CCNB3: variants seen among roughly 807,000 people sequenced by gnomAD.
The protein encoded by CCNB3 is cyclin B3, also known as G2/mitotic-specific cyclin-B3.
In CCNB3, 12 loss-of-function variants were observed where a neutral mutation model predicts 68.0. The ratio of observed to expected loss-of-function variants is 0.18; its 90% CI spans 0.11 to 0.29. The LOEUF is 0.29. Ranked by LOEUF, CCNB3 falls within the 10% of genes least tolerant of loss-of-function variation. The pLI is 1.00. For synonymous variants in CCNB3, 354 were observed against 388.9 expected (o/e 0.91, Z 1.06); for missense variants, 904 against 993.1 (o/e 0.91, Z 1.21).
chrX:50,209,070 G>A (rs1262856440), intron 1 of CCNB3, among the ~76,000 whole-genome samples: 1 of 110,908 alleles, frequency 9.0e-6, no homozygotes, highest in Admixed American at 9.6e-5. Flanking sequence ...AGTAGGGTCT[G>A]TAGTGGAATC....
At chrX:50,218,127 CAAAAAT>C (rs1480143992) in intron 1 of CCNB3, among the ~76,000 whole-genome samples, 1 of 111,911 alleles carries the variant, frequency 8.9e-6, no homozygotes, top group Non-Finnish European at 1.9e-5. Flanking sequence ...GTGTCCTAAA[CAAAAAT>C]AATCTATTGT....
chrX:50,279,429 T>G (rs1281916213), intron 1 of CCNB3, among the ~76,000 whole-genome samples: 1 of 73,419 alleles, frequency 1.4e-5, no homozygotes, highest in Non-Finnish European at 2.3e-5. Context: ...TATAAATATA[T>G]ATAAATATAT....
chrX:50,291,637 C>T (rs1289101727), intron 4 of CCNB3, among the ~76,000 whole-genome samples: 1 of 112,057 alleles, frequency 8.9e-6, no homozygotes, highest in African/African-American at 3.2e-5. Flanking sequence ...GGAGCTTAAA[C>T]TTGAAAATAT....
At chrX:50,224,361 C>T (rs940138710) in intron 1 of CCNB3, among the ~76,000 whole-genome samples, 4 of 110,819 alleles carry the variant, frequency 3.6e-5, no homozygotes, top group Non-Finnish European at 5.7e-5. Context: ...ATACCTGGGA[C>T]GAGTGAAATA....
In CCNB3 at chrX:50,311,596, TG is replaced by T. The variant is rs782269647; in HGVS notation, c.3327+101del. On this transcript the variant is annotated intron_variant, in intron 6 of 12. Coordinates refer to ENST00000376042, the MANE Select transcript of CCNB3 (RefSeq NM_033031.3). ...TTTTTTTTTTTTTGTTTTTGTTTTT[TG>T]TTGTTGTTGTTGTTTTTTTGCCTTC... is the stretch of plus-strand genomic sequence containing the variant. 5.4e-3 allele frequency: 3,373 copies of T among 624,368 alleles called. 76 individuals carry two copies. In the African/African-American group the frequency reaches 0.072, roughly 13 times the overall value. 51.5% of individuals were successfully genotyped at this position (624,368 alleles called of 1,213,427 possible).
At chrX:50,211,843 C>A (rs1935487645) in intron 1 of CCNB3, among the ~76,000 whole-genome samples, 1 of 112,036 alleles carries the variant, frequency 8.9e-6, no homozygotes, top group South Asian at 3.7e-4. Flanking sequence ...CAGAATCACT[C>A]CCCATCCTAA....
At chrX:50,291,365 C>G (rs781940623) in intron 4 of CCNB3, among the ~76,000 whole-genome samples, 6 of 111,632 alleles carry the variant, frequency 5.4e-5, no homozygotes, top group African/African-American at 1.9e-4. Context: ...ATGATCACAG[C>G]TCACTGCAGC....
At position 50,351,371 on chromosome X, in the gene CCNB3, C is replaced by T. The variant is rs781893398; in HGVS notation, c.4091C>T (p.Pro1364Leu). The T allele has an allele frequency of 1.7e-5, 20 of 1,208,964 alleles. No individual in the cohort carries two copies. The South Asian group carries it at 2.5e-4, about 15-fold the overall frequency. The change falls in exon 12 of 13, where the codon CCG (proline) becomes CTG (leucine). Residue 1364 changes from proline to leucine, a missense_variant and splice_region_variant. Coordinates refer to ENST00000376042, the MANE Select transcript of CCNB3 (RefSeq NM_033031.3). ...GCTGTGTATTACAAGTATTCTCACC[C>T]GTAAGTACTAAGCCCCGGATGAGGT... is the stretch of plus-strand genomic sequence containing the variant. Reference protein sequence around the residue: ...LKAVYYKYSHPVFFEVAKIPA... With the variant: ...LKAVYYKYSHLVFFEVAKIPA...
intron 11 of CCNB3, among the ~76,000 whole-genome samples, chrX:50,350,248 TACACACACACAC>T (rs35500925): frequency 6.3e-5 from 6 of 95,237 alleles, no homozygotes; most frequent in Admixed American, 3.5e-4. Context: ...CATACACAAA[TACACACACACAC>T]ACACACACAC....
At position 50,309,200 on chromosome X, in the gene CCNB3, C is replaced by G; in HGVS notation, c.1031C>G (p.Ser344Cys). 1 of 1,209,444 alleles carries G rather than the reference C, an allele frequency of 8.3e-7. No individual in the cohort carries two copies. Among genetic ancestry groups the G allele is most frequent in the Non-Finnish European group, 1.1e-6 (1 of 893,847 alleles). Residue 344 changes from serine to cysteine, a missense_variant, in exon 6 of 13, where the codon TCC becomes TGC. This residue lies in a region of CCNB3 where 619 missense variants were observed against 609.8 expected (regional missense o/e 1.02). Transcript: ENST00000376042. The part of the protein sequence containing the change: ...QEKHTTEHEM[S>C]ILKKSLALQK... ...AAACACACCACTGAGCATGAGATGT[C>G]CATCTTGAAGAAATCATTGGCCTTG...
At chrX:50,328,403 C>T (rs1557217590) in intron 8 of CCNB3, among the ~76,000 whole-genome samples, 2 of 111,839 alleles carry the variant, frequency 1.8e-5, no homozygotes, top group African/African-American at 6.5e-5. Flanking sequence ...GAAGGTGAAG[C>T]AGGAGGAAGC....
At chrX:50,306,529 A>G (rs1412803205) in intron 5 of CCNB3, among the ~76,000 whole-genome samples, 1 of 111,921 alleles carries the variant, frequency 8.9e-6, no homozygotes, top group African/African-American at 3.2e-5. Flanking sequence ...CAAGAGTTGG[A>G]CATTCTTGTT....
At chrX:50,344,172 T>C (rs189907427) in intron 9 of CCNB3, among the ~76,000 whole-genome samples, 1 of 112,495 alleles carries the variant, frequency 8.9e-6, no homozygotes, top group South Asian at 3.7e-4. Context: ...GTGTGTAGCC[T>C]AGGAGCAATA....
rs1557214783 is a variant in CCNB3, at chrX:50,310,956, T to C, written c.2787T>C (p.Asp929=). 1 of 1,210,529 alleles carries C rather than the reference T, an allele frequency of 8.3e-7. No individual in the cohort carries two copies. The highest frequency in any genetic ancestry group is 1.1e-6 in the Non-Finnish European group (1 of 895,397). The part of the protein sequence containing the change: ...STINEAVLFE[D]MIALNEKPTT... ...TCAATGAGGCAGTCCTCTTCGAAGA[T>C]ATGATAGCTCTGAATGAGAAACCCA... Residue 929 remains aspartate (D), a synonymous_variant, in exon 6 of 13, where the codon GAT becomes GAC. Coordinates refer to ENST00000376042, the MANE Select transcript of CCNB3 (RefSeq NM_033031.3).
chrX:50,347,607 G>A lies in CCNB3; in HGVS notation c.3811-19G>A, dbSNP rs782174522. 1 of 1,192,915 alleles carries A rather than the reference G, an allele frequency of 8.4e-7. No homozygotes were observed. The highest frequency in any genetic ancestry group is 1.8e-5 in the South Asian group (1 of 54,909). On this transcript the variant is annotated intron_variant, in intron 10 of 12. Coordinates refer to ENST00000376042, the MANE Select transcript of CCNB3 (RefSeq NM_033031.3). Reference sequence around the variant, plus strand: ...GTTTTCTAAATTGATTTCTGAGCCAGTCTTCTCATTGCCTTTAGTGTATCC... The same window carrying A: ...GTTTTCTAAATTGATTTCTGAGCCAATCTTCTCATTGCCTTTAGTGTATCC...
chrX:50,306,407 T>C (rs1036474958), intron 5 of CCNB3, among the ~76,000 whole-genome samples: 11 of 111,978 alleles, frequency 9.8e-5, no homozygotes, highest in African/African-American at 2.3e-4. Flanking sequence ...TATAAGATCA[T>C]GTCATCTGTG....
chrX:50,280,319 A>T (rs973641385), intron 1 of CCNB3, among the ~76,000 whole-genome samples: 26 of 102,909 alleles, frequency 2.5e-4, no homozygotes, highest in African/African-American at 7.6e-4. Flanking sequence ...TATAGAATAT[A>T]GATTTAAATA....
intron 8 of CCNB3, among the ~76,000 whole-genome samples, chrX:50,337,949 C>G (rs898114483): frequency 3.6e-4 from 40 of 112,412 alleles, no homozygotes; most frequent in African/African-American, 1.3e-3. Flanking sequence ...TTAGGCCACG[C>G]TTCCACTCAA....
rs1557214604 is a variant in CCNB3 at position 50,310,551 on chromosome X, G to A, written c.2382G>A (p.Gly794=). 1.7e-6 allele frequency: 2 copies of A among 1,210,158 alleles called. No individual in the cohort carries two copies. The highest frequency in any genetic ancestry group is 3.5e-5 in the African/African-American group (2 of 57,393). ...ALEGYPSIAE[G]ETLFKKLLAM... ...AGGGGTATCCCAGCATTGCGGAGGG[G>A]GAGACCCTCTTCAAGAAGCTTTTGG... Residue 794 remains glycine (G), a synonymous_variant, in exon 6 of 13, where the codon GGG becomes GGA. Coordinates refer to ENST00000376042, the MANE Select transcript of CCNB3 (RefSeq NM_033031.3).
Sources: allele counts gnomAD v4.1 joint callset (sites outside exome capture counted in the v4.1 genomes callset), GRCh38; gene constraint gnomAD v4.1.1; regional missense constraint gnomAD v4.1.1; transcripts MANE v1.5; gene names NCBI Gene and HGNC (gene_info 2026-07-23, HGNC 2026-07-21).